Variants in VGLL4 observed in about 807,000 individuals in gnomAD.
VGLL4 encodes the protein vestigial like family member 4, also known as transcription cofactor vestigial-like protein 4.
A neutral mutation model predicts 21.0 loss-of-function variants in VGLL4; 7 were observed. The observed-to-expected ratio is 0.33, with a 90% CI of 0.19 to 0.63. VGLL4 has a LOEUF of 0.63. VGLL4 is among the 20% of genes least tolerant of loss of function. The pLI is 0.78. For missense variants in VGLL4, 394 were observed against 425.7 expected, an observed-to-expected ratio of 0.93 and a Z score of 0.66; for synonymous variants, 222 against 173.2, an observed-to-expected ratio of 1.28 and a Z score of -2.21.
At chr3:11,676,725 C>G (rs1186642929) in intron 2 of VGLL4, among the ~76,000 whole-genome samples, 1 of 151,768 alleles carries the variant, frequency 6.6e-6, no homozygotes, top group Non-Finnish European at 1.5e-5. Context: ...CAGCAATCTT[C>G]CTAGAATTAG....
chr3:11,576,070 A>G (rs1471447282), intron 2 of VGLL4, among the ~76,000 whole-genome samples: 1 of 152,226 alleles, frequency 6.6e-6, no homozygotes, highest in Non-Finnish European at 1.5e-5. Flanking sequence ...TTTTTTAAGA[A>G]AAACTGATGT....
intron 2 of VGLL4, among the ~76,000 whole-genome samples, chr3:11,571,208 G>A (rs772644852): frequency 1.3e-5 from 2 of 152,088 alleles, no homozygotes; most frequent in African/African-American, 2.4e-5. Context: ...TCGCTGGCAG[G>A]GACACAGGGC....
chr3:11,597,559 C>A (rs2447615), intron 2 of VGLL4, among the ~76,000 whole-genome samples: 141,936 of 152,084 alleles, frequency 0.93, 66,359 homozygotes, highest in African/African-American at 0.95. Context: ...AAACAAAAAA[C>A]AAGTGTCAAA....
intron 3 of VGLL4, among the ~76,000 whole-genome samples, chr3:11,562,645 A>G (rs1000010): frequency 0.43 from 65,718 of 152,146 alleles, 14,725 homozygotes; most frequent in African/African-American, 0.54. Context: ...GCATGGCCTC[A>G]GCCCCGCCAC....
chr3:11,614,596 C>T (rs951268603), intron 1 of VGLL4, among the ~76,000 whole-genome samples: 6 of 152,246 alleles, frequency 3.9e-5, no homozygotes, highest in Non-Finnish European at 8.8e-5. Context: ...AGTCAGATAT[C>T]TCAGCCAGCC....
chr3:11,635,381 C>G (rs2075566274), intron 1 of VGLL4, among the ~76,000 whole-genome samples: 1 of 152,132 alleles, frequency 6.6e-6, no homozygotes, highest in Admixed American at 6.5e-5. Flanking sequence ...CTGTGAGCAC[C>G]AACAGAACAA....
upstream of VGLL4, among the ~76,000 whole-genome samples, chr3:11,646,400 C>T (rs999795397): frequency 1.3e-5 from 2 of 152,144 alleles, no homozygotes; most frequent in Non-Finnish European, 2.9e-5. Flanking sequence ...AGAGAGGTGG[C>T]TGCACATTAG....
rs566355728 is a variant in VGLL4, at chr3:11,705,374, G to A, written c.-13-2327C>T. On this transcript the variant is annotated intron_variant, in intron 1 of 5. Coordinates refer to the VGLL4 transcript ENST00000273038. ...CGGAGCTCACTGAGCTTGGCAGGCA[G>A]AGAGAGGAGGGGAGGGCCACGGAAG... Among the ~76,000 whole-genome samples the A allele has an allele frequency of 5.3e-5, 8 of 152,298 alleles. No individual in the cohort carries two copies. The South Asian group carries it at 1.7e-3, about 32-fold the overall frequency.
intron 1 of VGLL4, among the ~76,000 whole-genome samples, chr3:11,706,253 G>T (rs1473427697): frequency 6.6e-6 from 1 of 152,194 alleles, no homozygotes; most frequent in Non-Finnish European, 1.5e-5. Flanking sequence ...AAAGTAGGTA[G>T]ATAAGATAAT....
At chr3:11,620,847 T>C (rs1246130876) in intron 1 of VGLL4, among the ~76,000 whole-genome samples, 2 of 152,122 alleles carry the variant, frequency 1.3e-5, no homozygotes, top group Non-Finnish European at 2.9e-5. Context: ...AATGTACACG[T>C]AGGATGTCAG....
intron 1 of VGLL4, among the ~76,000 whole-genome samples, chr3:11,621,794 C>T (rs189435601): frequency 1.1e-4 from 16 of 152,320 alleles, no homozygotes; most frequent in Admixed American, 9.8e-4. Flanking sequence ...ACGTATGAGG[C>T]ATTCCAATTT....
Position 11,584,120 on chromosome 3 carries a change from C to T in VGLL4, c.272+17713G>A, listed in dbSNP as rs182705737. 2.0e-3 allele frequency among the ~76,000 whole-genome samples: 306 copies of T among 152,298 alleles called. 1 individual carries two copies. Among genetic ancestry groups the T allele is most frequent in the African/African-American group, 6.7e-3 (278 of 41,572 alleles). ...TTTAAAAATCTATATTTCAAAAATA[C>T]AGTAAATAATGCTGAAAAGCAAATA... is the stretch of plus-strand genomic sequence containing the variant. On this transcript the variant is annotated intron_variant, in intron 2 of 4. Transcript: ENST00000430365.
chr3:11,640,885 A>C (rs980369913), intron 1 of VGLL4, among the ~76,000 whole-genome samples: 1 of 152,164 alleles, frequency 6.6e-6, no homozygotes, highest in Non-Finnish European at 1.5e-5. Context: ...TGGGAGGCTG[A>C]GGTGGGTGGA....
chr3:11,693,818 A>C (rs527446986), intron 2 of VGLL4, among the ~76,000 whole-genome samples: 2 of 151,878 alleles, frequency 1.3e-5, no homozygotes, highest in Non-Finnish European at 2.9e-5. Flanking sequence ...ATGCTATTTT[A>C]TTGGCTAGGA....
intron 1 of VGLL4, among the ~76,000 whole-genome samples, chr3:11,714,959 C>A (rs1412360880): frequency 6.6e-6 from 1 of 151,862 alleles, no homozygotes; most frequent in African/African-American, 2.4e-5. Context: ...CACAGTGAAA[C>A]CCCGTCTCTA....
chr3:11,600,019 C>G (rs1026352475), intron 2 of VGLL4, among the ~76,000 whole-genome samples: 3 of 152,088 alleles, frequency 2.0e-5, no homozygotes. Flanking sequence ...CACATACTAT[C>G]AAACATTAAA....
Position 11,568,228 on chromosome 3 carries a change from T to C in VGLL4, c.273-3209A>G, listed in dbSNP as rs1343465103. Among the ~76,000 whole-genome samples, 1 of 152,220 alleles carries C rather than the reference T, an allele frequency of 6.6e-6. No individual in the cohort carries two copies. The highest frequency in any genetic ancestry group is 1.5e-5 in the Non-Finnish European group (1 of 68,042). The stretch of plus-strand genomic sequence containing the variant: ...GCCAAAGTCGTGGTACATAAGGCAC[T>C]GCCCACCCCTCGCACCTTATGTCCT... On this transcript the variant is annotated intron_variant, in intron 2 of 4. Coordinates refer to ENST00000430365, the MANE Select transcript of VGLL4 (RefSeq NM_001128219.3). The surrounding 1 kb of genome is among the most constrained non-coding windows in gnomAD (Gnocchi z 5.9).
rs1352364560 is a variant in VGLL4, at chr3:11,601,904, C to T, written c.201G>A (p.Glu67=). The T allele has an allele frequency of 3.7e-6, 6 of 1,613,864 alleles. No homozygotes were observed. The highest frequency in any genetic ancestry group is 1.3e-5 in the African/African-American group (1 of 74,990). The change falls in exon 2 of 5, where the codon GAG becomes GAA. Residue 67 remains glutamate, a synonymous_variant. Transcript: ENST00000430365. ...ISPSKRKFSM[E]PGDEDLDCDN... ...CACAGTCTAGGTCCTCGTCACCTGGCTCCATGCTGAACTTCCTCTTGCTGG... is the reference window on the plus strand; with the variant it reads ...CACAGTCTAGGTCCTCGTCACCTGGTTCCATGCTGAACTTCCTCTTGCTGG...
At chr3:11,655,991 G>T (rs1418026329) in intron 2 of VGLL4, among the ~76,000 whole-genome samples, 2 of 152,204 alleles carry the variant, frequency 1.3e-5, no homozygotes, top group Non-Finnish European at 1.5e-5. Flanking sequence ...TCTAAGCTGG[G>T]AACAGAGGAA....
Sources: gnomAD v4.1 joint callset for allele counts (sites outside exome capture counted in the v4.1 genomes callset) on GRCh38, gnomAD v4.1.1 for gene constraint, Gnocchi (gnomAD v3.1) non-coding constraint, MANE v1.5 for transcripts, NCBI Gene and HGNC (gene_info 2026-07-23, HGNC 2026-07-21) for gene names.